HNMT: variants seen among roughly 807,000 people sequenced by gnomAD.
The protein encoded by HNMT is histamine N-methyltransferase.
In HNMT, 30 loss-of-function variants were observed where a neutral mutation model predicts 32.1. The ratio of observed to expected loss-of-function variants is 0.93; its 90% confidence interval spans 0.70 to 1.27. The LOEUF is 1.27. Ranked by LOEUF, HNMT falls within the 50% of genes most tolerant of loss-of-function variation. The pLI is 0.00. For synonymous variants in HNMT, 125 were observed against 119.0 expected, an observed-to-expected ratio of 1.05 and a Z score of -0.33; for missense variants, 327 against 346.0, an observed-to-expected ratio of 0.95 and a Z score of 0.43.
intron 1 of HNMT, 57 bp downstream of exon 1, chr2:137,964,685 T>C: frequency 6.4e-7 from 1 of 1,572,164 alleles, no homozygotes; most frequent in Admixed American, 1.7e-5. Context: ...TGTGCGTCAG[T>C]GATAGATGGG....
At chr2:137,991,011 G>A (rs531680199) in intron 2 of HNMT, among the ~76,000 whole-genome samples, 47 of 152,296 alleles carry the variant, frequency 3.1e-4, no homozygotes, top group African/African-American at 1.1e-3. Context: ...TCAAGTTGAG[G>A]TTTCCACAAC....
chr2:138,008,005 T>C (rs1681379149), intron 5 of HNMT, among the ~76,000 whole-genome samples: 1 of 152,068 alleles, frequency 6.6e-6, no homozygotes, highest in Admixed American at 6.6e-5. Flanking sequence ...TAACTTTTAT[T>C]TTAAGTTCAG....
At chr2:138,003,648 T>C (rs1307979852) in intron 4 of HNMT, among the ~76,000 whole-genome samples, 5 of 152,040 alleles carry the variant, frequency 3.3e-5, no homozygotes, top group African/African-American at 1.2e-4. Flanking sequence ...CCCTGTCTCC[T>C]TACCACTCCT....
At chr2:137,996,308 G>A (rs1164108222) in intron 2 of HNMT, among the ~76,000 whole-genome samples, 1 of 152,150 alleles carries the variant, frequency 6.6e-6, no homozygotes, top group Non-Finnish European at 1.5e-5. Flanking sequence ...AAACTGATAA[G>A]CAACTTCAGC....
intron 5 of HNMT, among the ~76,000 whole-genome samples, chr2:138,006,539 C>T (rs1362161830): frequency 6.6e-6 from 1 of 151,928 alleles, no homozygotes; most frequent in African/African-American, 2.4e-5. Context: ...TAAGACAAAG[C>T]CAGCCTGAAG....
At chr2:137,990,476 T>C (rs908747699) in intron 2 of HNMT, among the ~76,000 whole-genome samples, 1 of 152,212 alleles carries the variant, frequency 6.6e-6, no homozygotes, top group African/African-American at 2.4e-5. Context: ...CAGGCTGTTT[T>C]GATTCATATA....
At chr2:137,966,438 A>C (rs1271227813) in intron 1 of HNMT, among the ~76,000 whole-genome samples, 1 of 152,218 alleles carries the variant, frequency 6.6e-6, no homozygotes, top group Non-Finnish European at 1.5e-5. Context: ...ATAGCTAAGT[A>C]AGCATGCATA....
intron 2 of HNMT, among the ~76,000 whole-genome samples, chr2:137,992,486 C>A (rs1016742405): frequency 6.6e-6 from 1 of 152,174 alleles, no homozygotes; most frequent in Admixed American, 6.5e-5. Context: ...CCTGACCCAT[C>A]CTTCCTCATT....
intron 2 of HNMT, among the ~76,000 whole-genome samples, chr2:137,970,998 C>T (rs1680118517): frequency 6.7e-6 from 1 of 149,650 alleles, no homozygotes; most frequent in Admixed American, 6.6e-5. Context: ...GGAATATAAA[C>T]TGATGCACAG....
intron 2 of HNMT, among the ~76,000 whole-genome samples, chr2:137,973,840 G>A (rs1298876689): frequency 6.6e-6 from 1 of 151,838 alleles, no homozygotes; most frequent in African/African-American, 2.4e-5. Context: ...ATGCACATAT[G>A]CCCTATCGAT....
intron 2 of HNMT, among the ~76,000 whole-genome samples, chr2:137,983,215 A>G (rs1456987313): frequency 6.6e-6 from 1 of 152,130 alleles, no homozygotes; most frequent in Admixed American, 6.6e-5. Context: ...CCCAAGGGGT[A>G]TATCCTCCAC....
At chr2:137,997,960 T>C (rs1573669162) in intron 2 of HNMT, among the ~76,000 whole-genome samples, 2 of 152,000 alleles carry the variant, frequency 1.3e-5, no homozygotes, top group Non-Finnish European at 2.9e-5. Context: ...TAAGTGGCAG[T>C]TGAACGATGA....
At chr2:137,981,208 A>T (rs1026194461) in intron 2 of HNMT, 7 of 1,613,020 alleles carry the variant, frequency 4.3e-6, no homozygotes, top group Non-Finnish European at 5.9e-6. Flanking sequence ...TATTTTCTTG[A>T]CCTGCAGATT....
At chr2:137,976,654 G>A (rs1680298725) in intron 2 of HNMT, among the ~76,000 whole-genome samples, 1 of 152,114 alleles carries the variant, frequency 6.6e-6, no homozygotes, top group African/African-American at 2.4e-5. Context: ...CATCATAGCA[G>A]TTAACTCCTT....
chr2:137,974,153 A>C (rs1273035988), intron 2 of HNMT, among the ~76,000 whole-genome samples: 1 of 152,238 alleles, frequency 6.6e-6, no homozygotes. Context: ...ACAGAAAAAC[A>C]GACCATGTAG....
At chr2:137,998,237 G>GTAGGTA (rs1681054357) in intron 2 of HNMT, among the ~76,000 whole-genome samples, 1 of 152,150 alleles carries the variant, frequency 6.6e-6, no homozygotes, top group Non-Finnish European at 1.5e-5. Flanking sequence ...GTTGGAAAGA[G>GTAGGTA]TAGGTAAAAT....
intron 2 of HNMT, among the ~76,000 whole-genome samples, chr2:137,985,564 G>A (rs1025361383): frequency 1.3e-5 from 2 of 152,088 alleles, no homozygotes; most frequent in Non-Finnish European, 2.9e-5. Context: ...ACTAGTAGCA[G>A]TCTGTGAGTC....
chr2:138,014,465 T>C lies in HNMT; in HGVS notation c.*335T>C. 4.9e-6 allele frequency: 1 copy of C among 204,504 alleles called. No individual in the cohort carries two copies. The highest frequency in any genetic ancestry group is 2.0e-3 in the Middle Eastern group (1 of 502). 12.7% of individuals were successfully genotyped at this position (204,504 alleles called of 1,614,324 possible). Reference sequence around the variant, plus strand: ...GAAATTTTCTAGAATACTAATAAAATACATACTATAGATTCTTTATTAGTG... The same window carrying C: ...GAAATTTTCTAGAATACTAATAAAACACATACTATAGATTCTTTATTAGTG... On this transcript the variant is annotated 3_prime_UTR_variant, in exon 6 of 6. Transcript: ENST00000280097.
At chr2:137,970,715 T>A (rs1680096736) in intron 2 of HNMT, among the ~76,000 whole-genome samples, 1 of 151,902 alleles carries the variant, frequency 6.6e-6, no homozygotes, top group African/African-American at 2.4e-5. Context: ...GGTCAGGAGA[T>A]CGAGACCATC....
Sources: allele counts gnomAD v4.1 joint callset (sites outside exome capture counted in the v4.1 genomes callset), GRCh38; gene constraint gnomAD v4.1.1; transcripts MANE v1.5; gene names NCBI Gene and HGNC (gene_info 2026-07-23, HGNC 2026-07-21).